SECISBP2: variants seen among roughly 807,000 people sequenced by gnomAD.
SECISBP2 encodes the protein SECIS binding protein 2.
In SECISBP2, 96 loss-of-function variants were observed where a neutral mutation model predicts 98.2. The observed-to-expected ratio is 0.98, with a 90% CI of 0.83 to 1.16. The LOEUF (loss-of-function observed/expected upper bound fraction) is 1.16, where lower values mean the gene tolerates loss of function less well. Among genes scored for constraint, SECISBP2 ranks in the 50% most tolerant of loss-of-function variants. The probability of loss-of-function intolerance (pLI) is 0.00; values close to 1 mark genes in which losing one functional copy is unlikely to be tolerated. For synonymous variants in SECISBP2, 407 were observed against 370.2 expected, an observed-to-expected ratio of 1.10 and a Z score of -1.14; for missense variants, 1,046 against 1,022.9, an observed-to-expected ratio of 1.02 and a Z score of -0.31.
chr9:89,327,150 C>T (rs1048809523), intron 4 of SECISBP2, among the ~76,000 whole-genome samples: 10 of 150,276 alleles, frequency 6.7e-5, no homozygotes, highest in South Asian at 4.2e-4. Context: ...GGAGACAGAG[C>T]GAGACTCCGT....
chr9:89,339,313 T>G (rs1025468149), intron 8 of SECISBP2, among the ~76,000 whole-genome samples: 2 of 152,252 alleles, frequency 1.3e-5, no homozygotes, highest in African/African-American at 4.8e-5. Context: ...GTTACATGTT[T>G]GAAAACCTAC....
chr9:89,358,438 A>C (rs1832433170), intron 16 of SECISBP2, among the ~76,000 whole-genome samples: 1 of 151,676 alleles, frequency 6.6e-6, no homozygotes, highest in Non-Finnish European at 1.5e-5. Flanking sequence ...AGCTGTACCC[A>C]AGACAGGCTT....
rs1832528106 is a variant in SECISBP2 at position 89,358,957 on chromosome 9, G to A, written c.*133G>A. 4 of 702,622 alleles carry A rather than the reference G, an allele frequency of 5.7e-6. No individual in the cohort carries two copies. The allele number at this position is 702,622 out of a possible 1,614,324, so 43.5% of individuals were successfully genotyped here. On this transcript the variant is annotated 3_prime_UTR_variant, in exon 17 of 17. Coordinates refer to ENST00000375807, the MANE Select transcript of SECISBP2 (RefSeq NM_024077.5). ...AATCTGGAAATTGATCAGCATTAAA[G>A]GGCACATGAAGCAGTGTCTGCAGGC...
intron 6 of SECISBP2, 120 bp from the exon 7 acceptor site, chr9:89,334,402 A>G: frequency 2.2e-6 from 2 of 923,810 alleles, no homozygotes; most frequent in Admixed American, 4.0e-5. Context: ...GATGTTTTAA[A>G]TGATAGCCTA....
rs752739187 is a variant in SECISBP2 at position 89,341,389 on chromosome 9, C to T, written c.1345C>T (p.Gln449Ter). ...NNVKKSQLPV[Q>*]LDLGGMLTAL... is the part of the protein sequence containing the mutation. ...TGTAAAGAAGAGCCAGCTTCCAGTG[C>T]AGTTGGACTTGGGGGGCATGCTGAC... is the stretch of plus-strand genomic sequence containing the variant. The change falls in exon 10 of 17, where the codon CAG becomes TAG. Residue 449 changes from glutamine to a stop codon, truncating the protein, a stop_gained. Coordinates refer to ENST00000375807, the MANE Select transcript of SECISBP2 (RefSeq NM_024077.5). LOFTEE classifies it high-confidence loss of function. The T allele has an allele frequency of 1.2e-6, 2 of 1,613,732 alleles. No homozygotes were observed. Among genetic ancestry groups the T allele is most frequent in the African/African-American group, 1.3e-5 (1 of 75,036 alleles).
downstream of SECISBP2, chr9:89,362,447 C>T (rs374909695): frequency 1.2e-6 from 2 of 1,613,974 alleles, no homozygotes; most frequent in Non-Finnish European, 1.7e-6. Context: ...ACAATGTGGT[C>T]TTTGAATCCT....
At position 89,334,522 on chromosome 9, in the gene SECISBP2, A is replaced by C; in HGVS notation, c.881A>C (p.Glu294Ala). The C allele has an allele frequency of 5.0e-6, 8 of 1,613,948 alleles. No individual in the cohort carries two copies. In the Middle Eastern group the frequency reaches 1.3e-3, roughly 266 times the overall value. Residue 294 changes from glutamate to alanine, a missense_variant and splice_region_variant, in exon 7 of 17, where the codon GAG (glutamate) becomes GCG (alanine). Coordinates refer to ENST00000375807, the MANE Select transcript of SECISBP2 (RefSeq NM_024077.5). ...AATNSPSCTR[E>A]LSWTPMGYVV... is the part of the protein sequence containing the mutation. ...AACAATTTTGGTTATCTTTGAGCAG[A>C]GTTATCTTGGACACCAATGGGTTAT... is the stretch of plus-strand genomic sequence containing the variant.
intron 10 of SECISBP2, among the ~76,000 whole-genome samples, chr9:89,342,656 A>G (rs972777680): frequency 6.6e-6 from 1 of 152,276 alleles, no homozygotes; most frequent in Non-Finnish European, 1.5e-5. Context: ...ACCATATAAA[A>G]TTAGCTAGAC....
At chr9:89,324,361 C>T (rs1335570797) in intron 2 of SECISBP2, 1 of 152,104 alleles carries the variant, frequency 6.6e-6, no homozygotes, top group East Asian at 1.9e-4. Context: ...AAGTTACTTA[C>T]CTGTAAGTAA....
chr9:89,321,037 A>C (rs1379869725), intron 2 of SECISBP2, among the ~76,000 whole-genome samples: 1 of 152,244 alleles, frequency 6.6e-6, no homozygotes, highest in African/African-American at 2.4e-5. Flanking sequence ...TTTAGGAAAT[A>C]CTGAAAGTTG....
chr9:89,342,157 G>T (rs898008245), intron 10 of SECISBP2, among the ~76,000 whole-genome samples: 1 of 152,204 alleles, frequency 6.6e-6, no homozygotes, highest in Non-Finnish European at 1.5e-5. Context: ...AAGTACACAA[G>T]TGGTCAATAA....
At chr9:89,362,787 G>A (rs1832897885), downstream of SECISBP2, among the ~76,000 whole-genome samples, 1 of 152,114 alleles carries the variant, frequency 6.6e-6, no homozygotes, top group Non-Finnish European at 1.5e-5. Flanking sequence ...ACACTTTAAT[G>A]CACTCATTTG....
chr9:89,350,910 C>T, intron 14 of SECISBP2, 58 bp downstream of exon 14: 1 of 1,431,370 alleles, frequency 7.0e-7, no homozygotes. Flanking sequence ...CCTAGTGTGC[C>T]CTCGTGTTTG....
At chr9:89,333,996 A>G in intron 6 of SECISBP2, 2 of 1,028,448 alleles carry the variant, frequency 1.9e-6, no homozygotes, top group Non-Finnish European at 2.3e-6. Flanking sequence ...CTGTGTCCTG[A>G]TAGATGTCTT....
At chr9:89,334,792 A>G in intron 7 of SECISBP2, 62 bp downstream of exon 7, 1 of 1,222,340 alleles carries the variant, frequency 8.2e-7, no homozygotes, top group Admixed American at 1.7e-5. Flanking sequence ...AGAGTGGGGA[A>G]TGAGAAGTTA....
chr9:89,331,512 T>A (rs536134844), intron 5 of SECISBP2, among the ~76,000 whole-genome samples: 1 of 152,360 alleles, frequency 6.6e-6, no homozygotes, highest in East Asian at 1.9e-4. Flanking sequence ...GATTCAACTT[T>A]GAATCTTTTA....
chr9:89,354,889 A>G (rs1831833731), intron 14 of SECISBP2: 1 of 985,414 alleles, frequency 1.0e-6, no homozygotes, highest in Non-Finnish European at 1.2e-6. Flanking sequence ...GACAAACTGA[A>G]TATAGATTTC....
intron 8 of SECISBP2, 51 bp from the exon 9 acceptor site, chr9:89,339,813 T>C: frequency 8.0e-7 from 1 of 1,256,048 alleles, no homozygotes; most frequent in Non-Finnish European, 1.2e-6. Flanking sequence ...AAGGTTGCAC[T>C]TGGCATGTTT....
chr9:89,332,749 A>G, intron 5 of SECISBP2, 159 bp from the exon 6 acceptor site: 1 of 667,526 alleles, frequency 1.5e-6, no homozygotes, highest in Middle Eastern at 4.0e-4. Context: ...GAATTGCTAA[A>G]CTATTAAATA....
Sources: gnomAD v4.1 joint callset for allele counts (sites outside exome capture counted in the v4.1 genomes callset) on GRCh38, gnomAD v4.1.1 for gene constraint, MANE v1.5 for transcripts, NCBI Gene and HGNC (gene_info 2026-07-23, HGNC 2026-07-21) for gene names.